The following NRCAM variants were observed in gnomAD, a reference collection of about 807,000 sequenced individuals.
The protein encoded by NRCAM is NgCAM-related cell adhesion molecule.
In NRCAM, 83 loss-of-function variants were observed where a neutral mutation model predicts 156.5. The observed-to-expected ratio is 0.53, with a 90% confidence interval of 0.44 to 0.64. The LOEUF (loss-of-function observed/expected upper bound fraction) is 0.64, where lower values mean the gene tolerates loss of function less well. Among genes scored for constraint, NRCAM ranks in the 30% least tolerant of loss-of-function variants. The pLI, the probability that NRCAM is intolerant of heterozygous loss-of-function variation, is 0.00. For missense variants in NRCAM, 1,417 were observed against 1,597.3 expected, an observed-to-expected ratio of 0.89 and a Z score of 1.92; for synonymous variants, 538 against 563.9, an observed-to-expected ratio of 0.95 and a Z score of 0.65.
chr7:108,254,267 A>C (rs1562963444), intron 3 of NRCAM, among the ~76,000 whole-genome samples: 1 of 152,264 alleles, frequency 6.6e-6, no homozygotes, highest in South Asian at 2.1e-4. Flanking sequence ...AAAACTAAGA[A>C]GACAAAACAA....
chr7:108,412,961 G>A (rs1434403448), intron 1 of NRCAM, among the ~76,000 whole-genome samples: 2 of 152,194 alleles, frequency 1.3e-5, no homozygotes, highest in Non-Finnish European at 2.9e-5. Context: ...TAAACACTTC[G>A]GTTGATCCAT....
chr7:108,194,145 C>T lies in NRCAM; in HGVS notation c.1657G>A (p.Glu553Lys), dbSNP rs768880090. The stretch of plus-strand genomic sequence containing the variant: ...CTCCCTCTTTGCACAACTGCATATT[C>T]GGGCTGTTTAACGATCCATGTAGGA... ...KDPTWIVKQP[E>K]YAVVQRGSMV... The change falls in exon 17 of 33, where the codon GAA (glutamate) becomes AAA (lysine). Residue 553 changes from glutamate (E) to lysine (K), a missense_variant. Physicochemically the swap from Glu to Lys is moderately conservative, Grantham distance 56. Transcript: ENST00000379028. The T allele has an allele frequency of 3.1e-6, 5 of 1,613,956 alleles. No homozygotes were observed. The African/African-American group carries it at 4.0e-5, about 13-fold the overall frequency.
chr7:108,226,367 G>A lies in NRCAM; in HGVS notation c.562C>T (p.Leu188Phe), dbSNP rs371450712. ...IFWMDNSFQRLPQSERVSQGL... is the reference protein window; with the variant it reads ...IFWMDNSFQRFPQSERVSQGL... ...TGAGAAACTCTCTCACTTTGTGGAA[G>A]TCTTTGAAAGGCTGGAGAAAGGCAG... The change falls in exon 9 of 33, where the codon CTT becomes TTT. Residue 188 changes from leucine to phenylalanine, a missense_variant. Coordinates refer to ENST00000379028, the MANE Select transcript of NRCAM (RefSeq NM_001037132.4). 6 of 1,611,664 alleles carry A rather than the reference G, an allele frequency of 3.7e-6. No individual in the cohort carries two copies. The African/African-American group carries it at 8.0e-5, about 22-fold the overall frequency.
At chr7:108,230,415 T>C (rs2094166788) in intron 8 of NRCAM, among the ~76,000 whole-genome samples, 1 of 152,212 alleles carries the variant, frequency 6.6e-6, no homozygotes, top group African/African-American at 2.4e-5. Context: ...ACATATCAAC[T>C]GAAGTGATAC....
chr7:108,453,070 T>G (rs1429603405), intron 1 of NRCAM, among the ~76,000 whole-genome samples: 2 of 152,360 alleles, frequency 1.3e-5, no homozygotes, highest in African/African-American at 2.4e-5. Context: ...ATGATAAAAT[T>G]AGAATTAATC....
At chr7:108,230,958 G>T in intron 8 of NRCAM, 73 bp downstream of exon 8, 1 of 1,160,718 alleles carries the variant, frequency 8.6e-7, no homozygotes, top group Non-Finnish European at 1.2e-6. Context: ...AATCATAAGA[G>T]GTAATAATGT....
At chr7:108,453,204 G>C (rs957863910) in intron 1 of NRCAM, among the ~76,000 whole-genome samples, 3 of 152,150 alleles carry the variant, frequency 2.0e-5, no homozygotes, top group Non-Finnish European at 4.4e-5. Flanking sequence ...GCTTCCTGTA[G>C]AGTTCCATTC....
Position 108,195,705 on chromosome 7 carries a change from A to G in NRCAM, c.1463+56T>C, listed in dbSNP as rs1052200666. 1.7e-5 allele frequency: 16 copies of G among 940,390 alleles called. No homozygotes were observed. The Admixed American group carries it at 3.1e-4, about 18-fold the overall frequency. 58.3% of individuals were successfully genotyped at this position (940,390 alleles called of 1,614,324 possible). ...GAATAAAACCCAACATATTTAGAATATGAAGCCTTTAGCAAACATTTTAAG... is the reference window on the plus strand; with the variant it reads ...GAATAAAACCCAACATATTTAGAATGTGAAGCCTTTAGCAAACATTTTAAG... On this transcript the variant is annotated intron_variant, in intron 15 of 32. Coordinates refer to ENST00000379028, the MANE Select transcript of NRCAM (RefSeq NM_001037132.4).
intron 32 of NRCAM, among the ~76,000 whole-genome samples, chr7:108,150,389 T>C (rs1214565153): frequency 1.3e-5 from 2 of 152,140 alleles, no homozygotes; most frequent in Non-Finnish European, 2.9e-5. Flanking sequence ...TTAATTTCAA[T>C]GACAAATTCT....
intron 1 of NRCAM, among the ~76,000 whole-genome samples, chr7:108,447,090 T>C (rs968425713): frequency 3.3e-5 from 5 of 152,066 alleles, no homozygotes; most frequent in Admixed American, 1.3e-4. Context: ...ACTTGGTATC[T>C]ATTTGCTCTT....
At chr7:108,221,403 G>A (rs185380846) in intron 11 of NRCAM, among the ~76,000 whole-genome samples, 2 of 152,322 alleles carry the variant, frequency 1.3e-5, no homozygotes, top group Non-Finnish European at 1.5e-5. Flanking sequence ...GCACACGCAT[G>A]TTTATAGCAT....
chr7:108,301,501 A>G (rs1313723396), intron 3 of NRCAM, among the ~76,000 whole-genome samples: 2 of 152,236 alleles, frequency 1.3e-5, no homozygotes, highest in Non-Finnish European at 2.9e-5. Context: ...GCTACAGAAG[A>G]AAACAGGCAG....
At chr7:108,295,419 G>T (rs1027190450) in intron 3 of NRCAM, among the ~76,000 whole-genome samples, 14 of 152,140 alleles carry the variant, frequency 9.2e-5, no homozygotes, top group Non-Finnish European at 1.9e-4. Context: ...GAAATCAAAG[G>T]CCAAGGTGCT....
intron 2 of NRCAM, among the ~76,000 whole-genome samples, chr7:108,393,574 G>A (rs903095609): frequency 1.3e-4 from 20 of 152,076 alleles, no homozygotes; most frequent in Non-Finnish European, 2.5e-4. Context: ...CTCACTCAGT[G>A]GGCTGCACCC....
chr7:108,293,392 T>C (rs1189935953), intron 3 of NRCAM, among the ~76,000 whole-genome samples: 2 of 152,224 alleles, frequency 1.3e-5, no homozygotes, highest in Admixed American at 6.5e-5. Flanking sequence ...CTGCCCTTCC[T>C]TCCTGCTGCT....
At chr7:108,165,859 T>C (rs546536120) in intron 30 of NRCAM, among the ~76,000 whole-genome samples, 4 of 152,344 alleles carry the variant, frequency 2.6e-5, no homozygotes, top group Non-Finnish European at 4.4e-5. Context: ...GATATGCACA[T>C]TTCTTTAAGA....
intron 3 of NRCAM, among the ~76,000 whole-genome samples, chr7:108,256,101 G>A (rs1379492367): frequency 2.6e-5 from 4 of 152,272 alleles, no homozygotes; most frequent in East Asian, 3.9e-4. Context: ...CCCTCTGCCC[G>A]GCCGCCACCC....
At chr7:108,164,573 G>GAGAGGAGGAGC (rs1563211338) in intron 30 of NRCAM, among the ~76,000 whole-genome samples, 2 of 151,810 alleles carry the variant, frequency 1.3e-5, no homozygotes, top group African/African-American at 4.8e-5. Context: ...GAGAGGAGAG[G>GAGAGGAGGAGC]AGGAGCAGGA....
intron 1 of NRCAM, among the ~76,000 whole-genome samples, chr7:108,445,640 T>A (rs943767905): frequency 2.0e-5 from 3 of 152,178 alleles, no homozygotes; most frequent in Non-Finnish European, 4.4e-5. Flanking sequence ...TTGTGTTTTA[T>A]CTCTATTTTC....
Sources: gnomAD v4.1 joint callset for allele counts (sites outside exome capture counted in the v4.1 genomes callset) on GRCh38, gnomAD v4.1.1 for gene constraint, MANE v1.5 for transcripts, NCBI Gene and HGNC (gene_info 2026-07-23, HGNC 2026-07-21) for gene names.